The following CNTN5 variants were observed in gnomAD, a reference collection of about 807,000 sequenced individuals.
The protein encoded by CNTN5 is contactin-5.
A neutral mutation model predicts 129.1 loss-of-function variants in CNTN5; 77 were observed. That is an observed-to-expected ratio of 0.60 (90% CI 0.50 to 0.72). CNTN5 has a LOEUF of 0.72. Ranked by LOEUF, CNTN5 falls within the 30% of genes least tolerant of loss-of-function variation. The pLI is 0.00. For synonymous variants in CNTN5, 509 were observed against 465.6 expected (o/e 1.09, Z -1.20); for missense variants, 1,478 against 1,328.8 (o/e 1.11, Z -1.75).
intron 2 of CNTN5, among the ~76,000 whole-genome samples, chr11:99,479,119 A>C (rs891852284): frequency 3.9e-5 from 6 of 152,086 alleles, no homozygotes; most frequent in Non-Finnish European, 7.4e-5. Flanking sequence ...CTTGGTGGAA[A>C]TAGAGCATAA....
chr11:99,503,744 A>G (rs1381891165), intron 2 of CNTN5, among the ~76,000 whole-genome samples: 1 of 152,166 alleles, frequency 6.6e-6, no homozygotes, highest in Non-Finnish European at 1.5e-5. Flanking sequence ...AAATAGATCT[A>G]TATCTATTAC....
intron 1 of CNTN5, among the ~76,000 whole-genome samples, chr11:99,082,595 G>A (rs1362903109): frequency 6.6e-6 from 1 of 152,182 alleles, no homozygotes; most frequent in Non-Finnish European, 1.5e-5. Context: ...TAGCAAGGAA[G>A]AAAACCTTTA....
intron 23 of CNTN5, among the ~76,000 whole-genome samples, chr11:100,347,909 A>C (rs1425610325): frequency 6.6e-6 from 1 of 152,014 alleles, no homozygotes; most frequent in Non-Finnish European, 1.5e-5. Context: ...TTATTCTGTC[A>C]TATTTTTAGC....
intron 3 of CNTN5, among the ~76,000 whole-genome samples, chr11:99,600,416 A>C (rs373394155): frequency 2.0e-5 from 3 of 152,310 alleles, no homozygotes; most frequent in African/African-American, 7.2e-5. Flanking sequence ...TTGCATAATG[A>C]TTATTTTACC....
At chr11:100,045,438 A>G (rs925650377) in intron 9 of CNTN5, among the ~76,000 whole-genome samples, 11 of 152,176 alleles carry the variant, frequency 7.2e-5, no homozygotes, top group African/African-American at 2.4e-4. Flanking sequence ...GATAGAAGAA[A>G]AAAAGGGCCA....
chr11:99,907,334 A>G (rs1424288274), intron 6 of CNTN5, among the ~76,000 whole-genome samples: 2 of 152,060 alleles, frequency 1.3e-5, no homozygotes, highest in African/African-American at 4.8e-5. Flanking sequence ...ATAGAAGAGT[A>G]GGCATTTAGG....
intron 1 of CNTN5, among the ~76,000 whole-genome samples, chr11:99,182,939 T>C (rs947512858): frequency 2.0e-5 from 3 of 148,780 alleles, no homozygotes; most frequent in Admixed American, 7.0e-5. Context: ...AAACTAATCA[T>C]TAATAGTTTA....
In CNTN5 at chr11:99,205,682, GCAAAAGGGTAAC is replaced by G. The variant is rs564528251; in HGVS notation, c.-209-119663_-209-119652del. On this transcript the variant is annotated intron_variant, in intron 1 of 24. Transcript: ENST00000524871. The stretch of plus-strand genomic sequence containing the variant: ...TGTTCTCACACACTCTCTTTCCCAC[GCAAAAGGGTAAC>G]TATGTGAAGTGATTGATATGTTAAT... 3.2e-4 allele frequency among the ~76,000 whole-genome samples: 48 copies of G among 152,168 alleles called. No homozygotes were observed. The South Asian group carries it at 5.2e-3, about 16-fold the overall frequency.
chr11:99,139,942 A>C (rs1859431728), intron 1 of CNTN5, among the ~76,000 whole-genome samples: 1 of 152,122 alleles, frequency 6.6e-6, no homozygotes, highest in South Asian at 2.1e-4. Context: ...CCTCAGATCG[A>C]TATTAAGTGT....
intron 2 of CNTN5, among the ~76,000 whole-genome samples, chr11:99,408,330 G>T (rs1239764351): frequency 2.8e-4 from 42 of 147,402 alleles, no homozygotes; most frequent in African/African-American, 1.0e-3. Context: ...CTTCTGAGTG[G>T]CTAGGACTAC....
intron 6 of CNTN5, among the ~76,000 whole-genome samples, chr11:99,897,231 A>G (rs1555149819): frequency 6.6e-6 from 1 of 152,210 alleles, no homozygotes; most frequent in Non-Finnish European, 1.5e-5. Context: ...CCTGGAAAAC[A>G]TTTGAGAGGA....
intron 6 of CNTN5, among the ~76,000 whole-genome samples, chr11:99,861,602 C>G (rs1948209172): frequency 6.6e-6 from 1 of 151,990 alleles, no homozygotes. Flanking sequence ...GTCCTAATTA[C>G]AGGTGATATA....
chr11:99,613,523 T>C (rs1950659478), intron 3 of CNTN5, among the ~76,000 whole-genome samples: 1 of 151,944 alleles, frequency 6.6e-6, no homozygotes, highest in Non-Finnish European at 1.5e-5. Context: ...ACAAAGGACA[T>C]AGCAAAAAGT....
intron 3 of CNTN5, among the ~76,000 whole-genome samples, chr11:99,655,327 T>A (rs1952314052): frequency 6.6e-6 from 1 of 152,056 alleles, no homozygotes; most frequent in African/African-American, 2.4e-5. Flanking sequence ...GAAGAAGTGG[T>A]CCAAAGTACA....
chr11:99,461,485 C>T (rs1321609502), intron 2 of CNTN5, among the ~76,000 whole-genome samples: 1 of 151,964 alleles, frequency 6.6e-6, no homozygotes, highest in Non-Finnish European at 1.5e-5. Flanking sequence ...CCTAATTCAC[C>T]TAAAAAAAAT....
At chr11:100,029,839 A>G (rs1336614428) in intron 9 of CNTN5, among the ~76,000 whole-genome samples, 1 of 152,152 alleles carries the variant, frequency 6.6e-6, no homozygotes, top group East Asian at 1.9e-4. Flanking sequence ...CAGCCCTCTC[A>G]TTCTATCTTT....
At chr11:99,031,823 A>G (rs1393669916) in intron 1 of CNTN5, among the ~76,000 whole-genome samples, 1 of 151,232 alleles carries the variant, frequency 6.6e-6, no homozygotes, top group African/African-American at 2.4e-5. Context: ...TGTGCAGGTT[A>G]GTTACATATG....
At chr11:99,667,558 G>A (rs1952842655) in intron 3 of CNTN5, among the ~76,000 whole-genome samples, 2 of 152,234 alleles carry the variant, frequency 1.3e-5, no homozygotes, top group South Asian at 2.1e-4. Context: ...CTCAATAAAT[G>A]TAAATTGAAA....
At chr11:100,034,713 A>G (rs1374095003) in intron 9 of CNTN5, among the ~76,000 whole-genome samples, 1 of 152,194 alleles carries the variant, frequency 6.6e-6, no homozygotes, top group Non-Finnish European at 1.5e-5. Context: ...GGTACTTGCA[A>G]TAGAGACTAT....
Sources: allele counts gnomAD v4.1 joint callset (sites outside exome capture counted in the v4.1 genomes callset), GRCh38; gene constraint gnomAD v4.1.1; transcripts MANE v1.5; gene names NCBI Gene and HGNC (gene_info 2026-07-23, HGNC 2026-07-21).